MIR2052HG: variants seen among roughly 807,000 people sequenced by gnomAD.
MIR2052HG encodes the protein MIR2052 host gene.
At chr8:74,738,708 ATT>A (rs1809796920) in intron 4 of MIR2052HG, among the ~76,000 whole-genome samples, 1 of 152,220 alleles carries the variant, frequency 6.6e-6, no homozygotes, top group Non-Finnish European at 1.5e-5. Flanking sequence ...AATGGTGAAT[ATT>A]TCTCAAACCT....
chr8:74,746,468 A>T (rs184741700), intron 4 of MIR2052HG, among the ~76,000 whole-genome samples: 1 of 152,278 alleles, frequency 6.6e-6, no homozygotes, highest in East Asian at 1.9e-4. Context: ...AAATAAGTAA[A>T]TAACTCCAAG....
intron 2 of MIR2052HG, among the ~76,000 whole-genome samples, chr8:74,656,430 G>A (rs1395440534): frequency 1.3e-5 from 2 of 152,158 alleles, no homozygotes; most frequent in African/African-American, 4.8e-5. Flanking sequence ...ATGGGGGCCA[G>A]TCTTTCCTGT....
In MIR2052HG at chr8:74,678,826, G is replaced by T. The variant is rs556474429; in HGVS notation, n.217-23553G>T. On this transcript the variant is annotated intron_variant and non_coding_transcript_variant, in intron 2 of 6. Transcript: ENST00000523442. ...ATACATTCCAATCTCATAGTTGAAA[G>T]TCTGATCATTTATGTATTAAAAACA... Among the ~76,000 whole-genome samples, 6 of 152,090 alleles carry T rather than the reference G, an allele frequency of 3.9e-5. No individual in the cohort carries two copies. In the East Asian group the frequency reaches 1.2e-3, roughly 29 times the overall value.
At chr8:74,611,452 T>C (rs1215686315) in intron 1 of MIR2052HG, among the ~76,000 whole-genome samples, 2 of 152,180 alleles carry the variant, frequency 1.3e-5, no homozygotes, top group African/African-American at 4.8e-5. Context: ...TTTAATTTGA[T>C]TAATAGTTGA....
chr8:74,606,230 T>C (rs1808109833), intron 1 of MIR2052HG, among the ~76,000 whole-genome samples: 1 of 152,180 alleles, frequency 6.6e-6, no homozygotes. Context: ...CAGTATCTTA[T>C]CGGTTAATTG....
intron 2 of MIR2052HG, among the ~76,000 whole-genome samples, chr8:74,652,765 A>C (rs1808766456): frequency 6.6e-6 from 1 of 152,184 alleles, no homozygotes; most frequent in Non-Finnish European, 1.5e-5. Flanking sequence ...TTCCTATCAA[A>C]TTACCCAGTA....
chr8:74,619,822 A>T (rs907900897), intron 2 of MIR2052HG, among the ~76,000 whole-genome samples: 3 of 152,198 alleles, frequency 2.0e-5, no homozygotes, highest in Admixed American at 6.5e-5. Context: ...GCCCCTCCCA[A>T]ATCTCATGTC....
At chr8:74,604,014 G>C (rs867647619) in intron 1 of MIR2052HG, 36 of 981,640 alleles carry the variant, frequency 3.7e-5, no homozygotes, top group Middle Eastern at 2.1e-4. Context: ...CTTCCAGTTT[G>C]TCAATGATCA....
chr8:74,703,217 C>T (rs1674407996), intron 3 of MIR2052HG, among the ~76,000 whole-genome samples: 1 of 151,950 alleles, frequency 6.6e-6, no homozygotes, highest in Non-Finnish European at 1.5e-5. Flanking sequence ...CTTGTGATGC[C>T]TAAGACTCAG....
intron 4 of MIR2052HG, among the ~76,000 whole-genome samples, chr8:74,734,177 G>C (rs1296959513): frequency 3.2e-5 from 3 of 93,676 alleles, no homozygotes; most frequent in Admixed American, 9.2e-5. Flanking sequence ...GAGAGATAAT[G>C]GTCAGTGGCT....
At chr8:74,657,869 C>T (rs1235773436) in intron 2 of MIR2052HG, among the ~76,000 whole-genome samples, 1 of 152,086 alleles carries the variant, frequency 6.6e-6, no homozygotes, top group African/African-American at 2.4e-5. Flanking sequence ...GGGGATACAG[C>T]CAAACCATAT....
At chr8:74,700,964 A>G (rs1809351286) in intron 2 of MIR2052HG, among the ~76,000 whole-genome samples, 1 of 152,186 alleles carries the variant, frequency 6.6e-6, no homozygotes, top group African/African-American at 2.4e-5. Context: ...TAAAGGAAAG[A>G]TAAATAAATA....
intron 4 of MIR2052HG, among the ~76,000 whole-genome samples, chr8:74,742,301 G>A (rs151090255): frequency 3.9e-5 from 6 of 152,164 alleles, no homozygotes; most frequent in African/African-American, 9.7e-5. Flanking sequence ...AATGTTCCAC[G>A]TAGATTGATG....
chr8:74,686,986 T>C (rs1211029503), intron 2 of MIR2052HG, among the ~76,000 whole-genome samples: 1 of 152,154 alleles, frequency 6.6e-6, no homozygotes, highest in African/African-American at 2.4e-5. Context: ...GCCATACATA[T>C]CCTGTATCAC....
rs1224786989 is a variant in MIR2052HG at position 74,604,205 on chromosome 8, G to C, written n.128+4297G>C. ...CCATGCATAAGTAGTCGGATGGTGA[G>C]AGTGATATTTAATCCACCTTCAATC... is the stretch of plus-strand genomic sequence containing the variant. On this transcript the variant is annotated intron_variant and non_coding_transcript_variant, in intron 1 of 6. Transcript: ENST00000523442. 5.5e-6 allele frequency: 5 copies of C among 905,818 alleles called. No homozygotes were observed. In the East Asian group the frequency reaches 7.3e-5, roughly 13 times the overall value. The allele number at this position is 905,818 out of a possible 1,614,324, so 56.1% of individuals were successfully genotyped here. A position where few individuals can be genotyped will look rare whatever the true frequency, so the allele number is the denominator to read the frequency against.
At chr8:74,699,823 T>C (rs746382060) in intron 2 of MIR2052HG, among the ~76,000 whole-genome samples, 1 of 152,176 alleles carries the variant, frequency 6.6e-6, no homozygotes, top group Non-Finnish European at 1.5e-5. Context: ...GGTTTCTATA[T>C]GGTAAAATGC....
At chr8:74,681,657 G>A (rs2128739118) in intron 2 of MIR2052HG, among the ~76,000 whole-genome samples, 1 of 152,154 alleles carries the variant, frequency 6.6e-6, no homozygotes, top group South Asian at 2.1e-4. Context: ...CCTGGGATTG[G>A]GCTCCTGATA....
intron 2 of MIR2052HG, among the ~76,000 whole-genome samples, chr8:74,674,856 C>G (rs377404830): frequency 6.6e-6 from 1 of 151,842 alleles, no homozygotes; most frequent in East Asian, 1.9e-4. Context: ...ATATACTATA[C>G]GTTACTATAC....
chr8:74,715,365 A>T (rs1331960709), intron 4 of MIR2052HG, among the ~76,000 whole-genome samples: 6 of 152,226 alleles, frequency 3.9e-5, no homozygotes, highest in Non-Finnish European at 8.8e-5. Flanking sequence ...TGCTGCCTGG[A>T]TATACAGGCA....
Sources: gnomAD v4.1 joint callset for allele counts (sites outside exome capture counted in the v4.1 genomes callset) on GRCh38, gnomAD v4.1.1 for gene constraint, MANE v1.5 for transcripts, NCBI Gene and HGNC (gene_info 2026-07-23, HGNC 2026-07-21) for gene names.